The following CCDC178 variants were observed in gnomAD, a reference collection of about 807,000 sequenced individuals.
CCDC178 encodes coiled-coil domain-containing protein 178.
A neutral mutation model predicts 117.4 loss-of-function variants in CCDC178; 126 were observed. The observed-to-expected ratio is 1.07, with a 90% CI of 0.93 to 1.24. The LOEUF is 1.24. CCDC178 is among the 50% of genes most tolerant of loss of function. The pLI, the probability that CCDC178 is intolerant of heterozygous loss-of-function variation, is 0.00. For missense variants in CCDC178, 1,030 were observed against 986.9 expected (o/e 1.04, Z -0.59); for synonymous variants, 283 against 313.4 (o/e 0.90, Z 1.02).
intron 6 of CCDC178, among the ~76,000 whole-genome samples, chr18:33,356,772 T>A (rs2063063448): frequency 6.6e-6 from 1 of 152,182 alleles, no homozygotes; most frequent in Admixed American, 6.6e-5. Flanking sequence ...ATAACAGGCC[T>A]TGAAAGAAAT....
chr18:33,359,702 AAACT>A (rs1335154327), intron 6 of CCDC178, among the ~76,000 whole-genome samples: 11 of 151,682 alleles, frequency 7.3e-5, no homozygotes, highest in Non-Finnish European at 1.5e-4. Flanking sequence ...CAATTATATC[AAACT>A]AACTACAAGA....
At chr18:33,236,849 C>G (rs2059431544) in intron 15 of CCDC178, among the ~76,000 whole-genome samples, 1 of 152,162 alleles carries the variant, frequency 6.6e-6, no homozygotes, top group Non-Finnish European at 1.5e-5. Flanking sequence ...GGGCCCAAAA[C>G]TAGGGGCAAC....
At position 33,003,200 on chromosome 18, in the gene CCDC178, C is replaced by A. The variant is rs1369556032; in HGVS notation, c.2389-28519G>T. 2.0e-5 allele frequency among the ~76,000 whole-genome samples: 3 copies of A among 151,876 alleles called. No individual in the cohort carries two copies. The East Asian group carries it at 5.8e-4, about 29-fold the overall frequency. On this transcript the variant is annotated intron_variant, in intron 21 of 22. Coordinates refer to ENST00000383096, the MANE Select transcript of CCDC178 (RefSeq NM_001105528.4). ...TATGAGGCCAGTATTACTCTGATAC[C>A]AAAACCTGACAAAGATGCACCAAAA...
chr18:33,234,039 A>G (rs1207996364), intron 15 of CCDC178, among the ~76,000 whole-genome samples: 1 of 152,166 alleles, frequency 6.6e-6, no homozygotes, highest in Non-Finnish European at 1.5e-5. Flanking sequence ...TTCCCATATG[A>G]TATTTATAGC....
intron 2 of CCDC178, among the ~76,000 whole-genome samples, chr18:33,418,429 A>G (rs1344572666): frequency 6.6e-6 from 1 of 152,162 alleles, no homozygotes; most frequent in East Asian, 1.9e-4. Flanking sequence ...GAGAACCAGA[A>G]AAAGACAAGG....
chr18:33,275,397 TA>T (rs2059936097), intron 12 of CCDC178, among the ~76,000 whole-genome samples: 1 of 151,790 alleles, frequency 6.6e-6, no homozygotes. Context: ...CAACAACAAA[TA>T]TAAAGTTATT....
chr18:33,376,137 C>T (rs1054110594), intron 5 of CCDC178, among the ~76,000 whole-genome samples: 1 of 152,118 alleles, frequency 6.6e-6, no homozygotes, highest in Admixed American at 6.5e-5. Flanking sequence ...CTGGAAGCTG[C>T]TGATGAGTTT....
chr18:33,261,460 C>T (rs1231723020), intron 14 of CCDC178, among the ~76,000 whole-genome samples: 4 of 152,170 alleles, frequency 2.6e-5, no homozygotes, highest in African/African-American at 9.7e-5. Flanking sequence ...TTTGCTTCAA[C>T]AATATTATGT....
At chr18:32,994,074 C>T (rs1055177025) in intron 21 of CCDC178, among the ~76,000 whole-genome samples, 1 of 152,040 alleles carries the variant, frequency 6.6e-6, no homozygotes, top group Non-Finnish European at 1.5e-5. Flanking sequence ...CTTACAGAGT[C>T]CTAATATTAT....
At chr18:33,361,697 A>T (rs1001547382) in intron 6 of CCDC178, among the ~76,000 whole-genome samples, 1 of 151,856 alleles carries the variant, frequency 6.6e-6, no homozygotes, top group Admixed American at 6.6e-5. Flanking sequence ...CAGGTATGCA[A>T]AAAGGTGCTC....
rs148945908 is a variant in CCDC178 at position 33,092,877 on chromosome 18, G to A, written c.2272C>T (p.Arg758Cys). ...AGCTGTTGATACTCTTGAGCTAAAC[G>A]CAGATTTTCTTCAAGTGAATCAGCT... ...IIADSLEENL[R>C]LAQEYQQLQI... The change falls in exon 21 of 23, where the codon CGT (arginine) becomes TGT (cysteine). Residue 758 changes from arginine to cysteine, a missense_variant. Physicochemically the swap from Arg to Cys is radical, Grantham distance 180. Transcript: ENST00000383096. The A allele has an allele frequency of 9.6e-6, 15 of 1,567,736 alleles. No individual in the cohort carries two copies. The highest frequency in any genetic ancestry group is 2.4e-5 in the South Asian group (2 of 83,482).
At chr18:33,229,163 T>A (rs2059342340) in intron 15 of CCDC178, among the ~76,000 whole-genome samples, 1 of 152,162 alleles carries the variant, frequency 6.6e-6, no homozygotes, top group African/African-American at 2.4e-5. Context: ...AAACATAGGC[T>A]GAGCTGCCAT....
chr18:33,034,944 C>T (rs931333472), intron 21 of CCDC178, among the ~76,000 whole-genome samples: 1 of 151,814 alleles, frequency 6.6e-6, no homozygotes, highest in Admixed American at 6.6e-5. Context: ...GTTTTATGTA[C>T]ATTAATATAA....
chr18:32,946,089 G>A (rs1017799354), intron 22 of CCDC178, among the ~76,000 whole-genome samples: 6 of 152,058 alleles, frequency 3.9e-5, no homozygotes, highest in Non-Finnish European at 5.9e-5. Context: ...GAAAAATCTC[G>A]TGTTTGGGTA....
intron 21 of CCDC178, among the ~76,000 whole-genome samples, chr18:33,046,800 C>T (rs562454947): frequency 6.6e-6 from 1 of 152,184 alleles, no homozygotes; most frequent in Non-Finnish European, 1.5e-5. Flanking sequence ...CCCTAGCAAA[C>T]TACAGCAGCC....
chr18:33,038,219 G>C (rs1259290629), intron 21 of CCDC178, among the ~76,000 whole-genome samples: 2 of 151,914 alleles, frequency 1.3e-5, no homozygotes, highest in Non-Finnish European at 2.9e-5. Context: ...AAATTAGCTT[G>C]AGTCTGTAGC....
intron 22 of CCDC178, among the ~76,000 whole-genome samples, chr18:32,958,463 T>C (rs2054638184): frequency 6.6e-6 from 1 of 152,230 alleles, no homozygotes; most frequent in East Asian, 1.9e-4. Context: ...TTATAAGCTA[T>C]GATATGTCTA....
At chr18:33,146,529 A>G (rs568581680) in intron 20 of CCDC178, among the ~76,000 whole-genome samples, 1 of 152,280 alleles carries the variant, frequency 6.6e-6, no homozygotes, top group Admixed American at 6.5e-5. Context: ...ATATGGTGGC[A>G]TATGGGAAGC....
At chr18:33,405,664 G>T (rs1030020793) in intron 3 of CCDC178, among the ~76,000 whole-genome samples, 2 of 152,002 alleles carry the variant, frequency 1.3e-5, no homozygotes, top group Non-Finnish European at 2.9e-5. Flanking sequence ...AGAAATGAAA[G>T]AATATATTTC....
Sources: allele counts gnomAD v4.1 joint callset (sites outside exome capture counted in the v4.1 genomes callset), GRCh38; gene constraint gnomAD v4.1.1; transcripts MANE v1.5; gene names NCBI Gene and HGNC (gene_info 2026-07-23, HGNC 2026-07-21).